The following SIPA1L2 variants were observed in gnomAD, a reference collection of about 807,000 sequenced individuals.
The protein encoded by SIPA1L2 is signal-induced proliferation-associated 1-like protein 2.
SIPA1L2 carries 56 observed loss-of-function variants against 163.9 expected under a neutral mutation model. The ratio of observed to expected loss-of-function variants is 0.34; its 90% CI spans 0.28 to 0.43. The LOEUF is 0.43. Among genes scored for constraint, SIPA1L2 ranks in the 20% least tolerant of loss-of-function variants. The pLI is 1.00. For missense variants in SIPA1L2, 1,974 were observed against 2,193.5 expected (o/e 0.90, Z 2.00); for synonymous variants, 877 against 865.7 (o/e 1.01, Z -0.23).
chr1:232,432,109 C>A, intron 16 of SIPA1L2, 138 bp downstream of exon 16: 1 of 704,554 alleles, frequency 1.4e-6, no homozygotes, highest in East Asian at 2.7e-5. Context: ...TAAACATCAA[C>A]ATTTAAAGAG....
intron 22 of SIPA1L2, among the ~76,000 whole-genome samples, chr1:232,399,534 G>A (rs1660206863): frequency 6.6e-6 from 1 of 151,806 alleles, no homozygotes; most frequent in African/African-American, 2.4e-5. Flanking sequence ...ATATAGGAAG[G>A]GTGTTCATCA....
intron 6 of SIPA1L2, among the ~76,000 whole-genome samples, chr1:232,483,249 C>CTT (rs67543177): frequency 0.24 from 35,088 of 144,172 alleles, 4,286 homozygotes; most frequent in Admixed American, 0.35. Context: ...GATGCATCAG[C>CTT]TTTTTTTTTT....
intron 2 of SIPA1L2, among the ~76,000 whole-genome samples, chr1:232,534,872 G>A (rs1321386835): frequency 1.3e-5 from 2 of 152,168 alleles, no homozygotes; most frequent in East Asian, 3.9e-4. Flanking sequence ...ACAATTTCAA[G>A]CACTTCCCTC....
At chr1:232,494,331 TG>T (rs1666071407) in intron 3 of SIPA1L2, among the ~76,000 whole-genome samples, 1 of 152,208 alleles carries the variant, frequency 6.6e-6, no homozygotes, top group South Asian at 2.1e-4. Context: ...ATAAAATCAC[TG>T]GTCCATCTAC....
chr1:232,587,490 T>G (rs1660735106), intron 1 of SIPA1L2, among the ~76,000 whole-genome samples: 1 of 152,220 alleles, frequency 6.6e-6, no homozygotes. Context: ...CAACTGGATC[T>G]GTGAGGTCAA....
chr1:232,538,161 T>G (rs937646533), intron 2 of SIPA1L2, among the ~76,000 whole-genome samples: 8 of 152,186 alleles, frequency 5.3e-5, no homozygotes, highest in Admixed American at 5.2e-4. Context: ...ATCTCCATTT[T>G]GGCACAGGTG....
Position 232,488,696 on chromosome 1 carries a change from A to T in SIPA1L2, c.1806+2178T>A, listed in dbSNP as rs554431935. Among the ~76,000 whole-genome samples, 14 of 152,368 alleles carry T rather than the reference A, an allele frequency of 9.2e-5. No homozygotes were observed. The South Asian group carries it at 2.9e-3, about 32-fold the overall frequency. The stretch of plus-strand genomic sequence containing the variant: ...AGAATCCCATTTTCTAAATACATTC[A>T]TTGACATCAGACTGTAAATAGGTGT... On this transcript the variant is annotated intron_variant, in intron 5 of 22. Coordinates refer to ENST00000674635, the MANE Select transcript of SIPA1L2 (RefSeq NM_020808.5).
At chr1:232,425,537 G>A (rs1661838121) in intron 18 of SIPA1L2, 52 bp downstream of exon 18, 3 of 1,424,060 alleles carry the variant, frequency 2.1e-6, no homozygotes, top group Non-Finnish European at 2.8e-6. Flanking sequence ...CAGGAGTTGT[G>A]CGATCAGCCC....
At chr1:232,404,316 A>G in intron 19 of SIPA1L2, 138 bp from the exon 20 acceptor site, 1 of 681,220 alleles carries the variant, frequency 1.5e-6, no homozygotes, top group Admixed American at 2.4e-5. Context: ...AGCCAGTATC[A>G]TGTAACTCCA....
Position 232,515,424 on chromosome 1 carries a change from G to T in SIPA1L2, c.-85C>A. The T allele has an allele frequency of 7.3e-7, 1 of 1,376,046 alleles. No homozygotes were observed. Among genetic ancestry groups the T allele is most frequent in the Non-Finnish European group, 9.7e-7 (1 of 1,027,700 alleles). 85.2% of individuals were successfully genotyped at this position (1,376,046 alleles called of 1,614,324 possible). The stretch of plus-strand genomic sequence containing the variant: ...TGCTACCGACCACGCCATAATACTT[G>T]CAGATATAAAGGCTTTGTCTGTAGT... On this transcript the variant is annotated 5_prime_UTR_variant, in exon 3 of 23. Coordinates refer to ENST00000674635, the MANE Select transcript of SIPA1L2 (RefSeq NM_020808.5).
chr1:232,602,356 G>C (rs539692580), intron 1 of SIPA1L2, among the ~76,000 whole-genome samples: 102 of 152,124 alleles, frequency 6.7e-4, no homozygotes, highest in African/African-American at 2.4e-3. Flanking sequence ...ATTTAAGATG[G>C]AGTCTCACTC....
chr1:232,445,914 G>A, intron 10 of SIPA1L2, 128 bp from the exon 11 acceptor site: 2 of 939,432 alleles, frequency 2.1e-6, no homozygotes, highest in Middle Eastern at 3.5e-4. Flanking sequence ...AGTCAATGAT[G>A]CAGAGCGATC....
In SIPA1L2 at chr1:232,617,178, T is replaced by C. The variant is rs549978088; in HGVS notation, c.-319+12691A>G. On this transcript the variant is annotated intron_variant, in intron 1 of 22. Coordinates refer to ENST00000674635, the MANE Select transcript of SIPA1L2 (RefSeq NM_020808.5). ...ATCAGATACAAATAAACCAGTAATA[T>C]GTCAGGATCCATCTCTTCAGAAGCA... is the stretch of plus-strand genomic sequence containing the variant. Among the ~76,000 whole-genome samples the C allele has an allele frequency of 1.7e-4, 26 of 152,368 alleles. No homozygotes were observed. In the South Asian group the frequency reaches 3.1e-3, roughly 18 times the overall value.
chr1:232,458,400 G>A (rs1664047445), intron 10 of SIPA1L2, among the ~76,000 whole-genome samples: 1 of 152,142 alleles, frequency 6.6e-6, no homozygotes, highest in Non-Finnish European at 1.5e-5. Flanking sequence ...TGTTTTAGCT[G>A]AAAAACAATT....
At chr1:232,473,767 T>C (rs1470128874) in intron 7 of SIPA1L2, among the ~76,000 whole-genome samples, 1 of 152,110 alleles carries the variant, frequency 6.6e-6, no homozygotes, top group African/African-American at 2.4e-5. Context: ...ATGCACTTTG[T>C]AGAAAAAAAT....
chr1:232,546,433 A>G (rs1658035613), intron 2 of SIPA1L2, among the ~76,000 whole-genome samples: 1 of 152,162 alleles, frequency 6.6e-6, no homozygotes, highest in Non-Finnish European at 1.5e-5. Context: ...CGAACCTCCC[A>G]TTCTGTCTAG....
chr1:232,560,657 G>A (rs898396240), intron 2 of SIPA1L2, among the ~76,000 whole-genome samples: 15 of 152,058 alleles, frequency 9.9e-5, no homozygotes, highest in Admixed American at 9.2e-4. Context: ...CAGCCTTCAT[G>A]AGCCTCAATG....
intron 1 of SIPA1L2, among the ~76,000 whole-genome samples, chr1:232,624,801 A>G (rs1415134774): frequency 1.3e-5 from 2 of 152,228 alleles, no homozygotes. Flanking sequence ...GAAGAGAAGT[A>G]TATCAACCAA....
intron 22 of SIPA1L2, 52 bp downstream of exon 22, chr1:232,402,340 G>C (rs958593723): frequency 2.0e-6 from 3 of 1,533,664 alleles, no homozygotes; most frequent in Non-Finnish European, 8.9e-7. Flanking sequence ...TAGTTATAAG[G>C]GGCTGATTTT....
Sources: gnomAD v4.1 joint callset for allele counts (sites outside exome capture counted in the v4.1 genomes callset) on GRCh38, gnomAD v4.1.1 for gene constraint, MANE v1.5 for transcripts, NCBI Gene and HGNC (gene_info 2026-07-23, HGNC 2026-07-21) for gene names.